The following SRRM2 variants were observed in gnomAD, a reference collection of about 807,000 sequenced individuals.
The protein encoded by SRRM2 is serine/arginine repetitive matrix 2.
A neutral mutation model predicts 213.8 loss-of-function variants in SRRM2; 30 were observed. The ratio of observed to expected loss-of-function variants is 0.14; its 90% CI spans 0.10 to 0.19. SRRM2 has a LOEUF of 0.19. Ranked by LOEUF, SRRM2 falls within the 10% of genes least tolerant of loss-of-function variation. The pLI, the probability that SRRM2 is intolerant of heterozygous loss-of-function variation, is 1.00. For missense variants in SRRM2, 4,904 were observed against 3,647.0 expected, an observed-to-expected ratio of 1.34 and a Z score of -8.88; for synonymous variants, 2,025 against 1,377.7, an observed-to-expected ratio of 1.47 and a Z score of -10.40.
chr16:2,761,958 C>A lies in SRRM2; in HGVS notation c.1430C>A (p.Pro477His), dbSNP rs777437321. 5 of 1,614,092 alleles carry A rather than the reference C, an allele frequency of 3.1e-6. No homozygotes were observed. The highest frequency in any genetic ancestry group is 4.2e-6 in the Non-Finnish European group (5 of 1,179,984). The change falls in exon 11 of 15, where the codon CCC (proline) becomes CAC (histidine). Residue 477 changes from proline (P) to histidine (H), a missense_variant. Physicochemically the swap from Pro to His is moderately conservative, Grantham distance 77 (BLOSUM62 -2). Coordinates refer to ENST00000301740, the MANE Select transcript of SRRM2 (RefSeq NM_016333.4). ...CGGGATAAATCACATTCTCATACCCCCTCCCGTAGGATGGGGAGGTCCCGT... is the reference window on the plus strand; with the variant it reads ...CGGGATAAATCACATTCTCATACCCACTCCCGTAGGATGGGGAGGTCCCGT... ...AKRDKSHSHT[P>H]SRRMGRSRSP...
chr16:2,761,057 C>G (rs1477524747), intron 10 of SRRM2, among the ~76,000 whole-genome samples: 1 of 152,172 alleles, frequency 6.6e-6, no homozygotes, highest in African/African-American at 2.4e-5. Context: ...TAACTACTTC[C>G]TTATTGCTTT....
Position 2,764,754 on chromosome 16 carries a change from C to G in SRRM2, c.4226C>G (p.Ala1409Gly), listed in dbSNP as rs141353583. 2.5e-6 allele frequency: 4 copies of G among 1,614,168 alleles called. No individual in the cohort carries two copies. The East Asian group carries it at 8.9e-5, about 36-fold the overall frequency. Residue 1409 changes from alanine to glycine, a missense_variant, in exon 11 of 15, where the codon GCT becomes GGT. By Grantham distance (60) the Ala-to-Gly change is moderately conservative. Coordinates refer to ENST00000301740, the MANE Select transcript of SRRM2 (RefSeq NM_016333.4). ...NQSISSPVLDAVPRTPSRERS... is the reference protein window; with the variant it reads ...NQSISSPVLDGVPRTPSRERS... ...AGCATCTCTTCACCTGTGCTTGATG[C>G]TGTACCCAGAACACCCTCGAGAGAA...
chr16:2,771,000 C>T lies in SRRM2; in HGVS notation c.*133C>T, dbSNP rs2068727276. 1.6e-5 allele frequency: 16 copies of T among 1,017,468 alleles called. No individual in the cohort carries two copies. Among genetic ancestry groups the T allele is most frequent in the Non-Finnish European group, 2.3e-5 (16 of 696,464 alleles). The allele number at this position is 1,017,468 out of a possible 1,614,324, so 63.0% of individuals were successfully genotyped here. On this transcript the variant is annotated 3_prime_UTR_variant, in exon 15 of 15. Coordinates refer to ENST00000301740, the MANE Select transcript of SRRM2 (RefSeq NM_016333.4). ...TTGGCAGCCCTTGGATGGAGGGCTC[C>T]CTTTCCCTCCCCTTTTTTTTTTCTT... is the stretch of plus-strand genomic sequence containing the variant.
In SRRM2 at chr16:2,771,382, T is replaced by A; in HGVS notation, c.*515T>A. 1 of 1,607,420 alleles carries A rather than the reference T, an allele frequency of 6.2e-7. No homozygotes were observed. Among genetic ancestry groups the A allele is most frequent in the Non-Finnish European group, 8.5e-7 (1 of 1,174,392 alleles). On this transcript the variant is annotated 3_prime_UTR_variant, in exon 15 of 15. Coordinates refer to ENST00000301740, the MANE Select transcript of SRRM2 (RefSeq NM_016333.4). ...AAATCTGTACAGCAAGAGCAACTTT[T>A]TCTGTCAAATAAAAATGAGAAATGC...
chr16:2,765,025 T>C lies in SRRM2; in HGVS notation c.4497T>C (p.Ser1499=). The part of the protein sequence containing the change: ...LPQTPRPRSR[S]PSSPELNNKC... Reference sequence around the variant, plus strand: ...AGACTCCTAGGCCGAGGAGTCGTTCTCCATCATCCCCAGAGCTCAACAACA... The same window carrying C: ...AGACTCCTAGGCCGAGGAGTCGTTCCCCATCATCCCCAGAGCTCAACAACA... Residue 1499 remains serine, a synonymous_variant, in exon 11 of 15, where the codon TCT becomes TCC. Transcript: ENST00000301740. The C allele has an allele frequency of 1.2e-6, 2 of 1,614,028 alleles. No individual in the cohort carries two copies. The highest frequency in any genetic ancestry group is 1.7e-6 in the Non-Finnish European group (2 of 1,180,024).
At chr16:2,761,320 T>G (rs2068338545) in intron 10 of SRRM2, among the ~76,000 whole-genome samples, 1 of 152,274 alleles carries the variant, frequency 6.6e-6, no homozygotes, top group Admixed American at 6.5e-5. Context: ...TTAAATGTAG[T>G]AGTGCATTAG....
Position 2,763,154 on chromosome 16 carries a change from T to A in SRRM2, c.2626T>A (p.Ser876Thr). Residue 876 changes from serine (S) to threonine (T), a missense_variant, in exon 11 of 15, where the codon TCA becomes ACA. Ser to Thr is a moderately conservative substitution (Grantham distance 58). Coordinates refer to ENST00000301740, the MANE Select transcript of SRRM2 (RefSeq NM_016333.4). ...ACAGAGACGGAGCTGTTTTGAATCA[T>A]CACCTGACCCTGAGTTGAAATCTAG... is the stretch of plus-strand genomic sequence containing the variant. ...TPQRRSCFESSPDPELKSRTP... is the reference protein window; with the variant it reads ...TPQRRSCFESTPDPELKSRTP... The A allele has an allele frequency of 6.2e-7, 1 of 1,614,132 alleles. No homozygotes were observed. The highest frequency in any genetic ancestry group is 2.2e-5 in the East Asian group (1 of 44,878).
intron 12 of SRRM2, 199 bp from the exon 13 acceptor site, chr16:2,770,153 C>G: frequency 1.4e-6 from 2 of 1,436,110 alleles, no homozygotes; most frequent in Non-Finnish European, 1.8e-6. Context: ...TTTGCATCCC[C>G]CGCTGCACCC....
At position 2,766,507 on chromosome 16, in the gene SRRM2, A is replaced by G. The variant is rs2068548852; in HGVS notation, c.5979A>G (p.Arg1993=). 2 of 1,613,594 alleles carry G rather than the reference A, an allele frequency of 1.2e-6. No individual in the cohort carries two copies. Residue 1993 remains arginine, a synonymous_variant, in exon 11 of 15, where the codon AGA becomes AGG. Transcript: ENST00000301740. This position sits in a 1 kb window ranked among gnomAD's most constrained non-coding sequence, Gnocchi z 7.0. ...GAACATCTCCGGTCACCCGAAGGAG[A>G]TCTCGATCTCGCACATCTCCAGTAA... The part of the protein sequence containing the change: ...RSRTSPVTRR[R]SRSRTSPVTR...
chr16:2,759,635 T>C lies in SRRM2; in HGVS notation c.807T>C (p.Ala269=). Residue 269 remains alanine (A), a synonymous_variant, in exon 9 of 15, where the codon GCT becomes GCC. Transcript: ENST00000301740. ...ACCGTTCAACTTCTGCTGACTCTGCTTCCTCCTCCGATACTTCCCGCAGTC... is the reference window on the plus strand; with the variant it reads ...ACCGTTCAACTTCTGCTGACTCTGCCTCCTCCTCCGATACTTCCCGCAGTC... ...RAHRSTSADS[A]SSSDTSRSRS... 2 of 1,614,012 alleles carry C rather than the reference T, an allele frequency of 1.2e-6. No homozygotes were observed. The highest frequency in any genetic ancestry group is 1.1e-5 in the South Asian group (1 of 91,074).
intron 2 of SRRM2, among the ~76,000 whole-genome samples, chr16:2,757,099 T>A (rs896653893): frequency 1.3e-5 from 2 of 152,126 alleles, no homozygotes; most frequent in East Asian, 3.9e-4. Context: ...GGCAGAAAAC[T>A]CTTTTAGAGC....
intron 9 of SRRM2, chr16:2,760,065 TG>T (rs1385325978): frequency 1.9e-5 from 11 of 576,970 alleles, no homozygotes; most frequent in Non-Finnish European, 1.2e-5. Flanking sequence ...TGGGGATGTT[TG>T]GGGGAGGTGA....
rs752817772 is a variant in SRRM2, at chr16:2,764,399, G to T, written c.3871G>T (p.Ala1291Ser). Residue 1291 changes from alanine to serine, a missense_variant, in exon 11 of 15, where the codon GCT (alanine) becomes TCT (serine). Physicochemically the swap from Ala to Ser is moderately conservative, Grantham distance 99. Transcript: ENST00000301740. The part of the protein sequence containing the change: ...SLTLDQSQSQ[A>S]SLEAVEVPSM... ...GACTCTTGATCAGAGCCAGTCACAG[G>T]CTTCTTTGGAAGCAGTAGAAGTCCC... 2 of 1,613,336 alleles carry T rather than the reference G, an allele frequency of 1.2e-6. No individual in the cohort carries two copies. Among genetic ancestry groups the T allele is most frequent in the South Asian group, 2.2e-5 (2 of 90,846 alleles).
rs775681241 is a variant in SRRM2, at chr16:2,763,114, G to A, written c.2586G>A (p.Glu862=). The A allele has an allele frequency of 2.5e-6, 4 of 1,614,022 alleles. No homozygotes were observed. The highest frequency in any genetic ancestry group is 1.7e-5 in the Admixed American group (1 of 60,002). Residue 862 remains glutamate, a synonymous_variant, in exon 11 of 15, where the codon GAG becomes GAA. Coordinates refer to ENST00000301740, the MANE Select transcript of SRRM2 (RefSeq NM_016333.4). ...QGSITSPQAN[E]QSVTPQRRSC... is the part of the protein sequence containing the mutation. ...CCATAACAAGTCCCCAGGCCAATGA[G>A]CAATCTGTAACGCCACAGAGACGGA...
chr16:2,767,155 C>A lies in SRRM2; in HGVS notation c.6627C>A (p.Ser2209=). 6.2e-7 allele frequency: 1 copy of A among 1,614,212 alleles called. No homozygotes were observed. Among genetic ancestry groups the A allele is most frequent in the Non-Finnish European group, 8.5e-7 (1 of 1,180,032 alleles). Residue 2209 remains serine (S), a synonymous_variant, in exon 11 of 15, where the codon TCC becomes TCA. Transcript: ENST00000301740. ...CTGCTGGCCTTGCTGCAAGAATGTC[C>A]CAGGTTCCAGCCCCGGTGCCTCTCA... ...MSAAGLAARM[S]QVPAPVPLMS... is the part of the protein sequence containing the mutation.
Position 2,767,355 on chromosome 16 carries a change from C to T in SRRM2, c.6827C>T (p.Ala2276Val), listed in dbSNP as rs779240145. 1.2e-5 allele frequency: 19 copies of T among 1,613,794 alleles called. No homozygotes were observed. The highest frequency in any genetic ancestry group is 1.3e-5 in the Non-Finnish European group (15 of 1,180,032). Residue 2276 changes from alanine (A) to valine (V), a missense_variant, in exon 11 of 15, where the codon GCG becomes GTG. Ala to Val is a moderately conservative substitution (Grantham distance 64). Transcript: ENST00000301740. ...AAMNLASPRT[A>V]VAPSAVNLAD... ...ATGAACTTGGCCAGCCCCAGAACAG[C>T]GGTGGCACCTTCGGCTGTGAACCTG...
At position 2,769,031 on chromosome 16, in the gene SRRM2, G is replaced by C; in HGVS notation, c.7768G>C (p.Val2590Leu). 6.2e-7 allele frequency: 1 copy of C among 1,614,090 alleles called. No individual in the cohort carries two copies. Among genetic ancestry groups the C allele is most frequent in the Non-Finnish European group, 8.5e-7 (1 of 1,180,014 alleles). ...CCCCACCCCAGCCCCAAAGGAGGCT[G>C]TTCGAGAGGGACGTCCTCCGGAGCC... ...PSPTPAPKEAVREGRPPEPTP... is the reference protein window; with the variant it reads ...PSPTPAPKEALREGRPPEPTP... Residue 2590 changes from valine (V) to leucine (L), a missense_variant, in exon 12 of 15, where the codon GTT (valine) becomes CTT (leucine). Coordinates refer to ENST00000301740, the MANE Select transcript of SRRM2 (RefSeq NM_016333.4).
rs771462309 is a variant in SRRM2 at position 2,765,064 on chromosome 16, C to T, written c.4536C>T (p.Pro1512=). 4 of 1,614,076 alleles carry T rather than the reference C, an allele frequency of 2.5e-6. No homozygotes were observed. The highest frequency in any genetic ancestry group is 4.5e-5 in the East Asian group (2 of 44,886). The change falls in exon 11 of 15, where the codon CCC becomes CCT. Residue 1512 remains proline, a synonymous_variant. Transcript: ENST00000301740. ...AGCTCAACAACAAGTGTCTTACCCC[C>T]CAGAGAGAAAGAAGCGGGTCAGAAT... The part of the protein sequence containing the change: ...SPELNNKCLT[P]QRERSGSESS...
Position 2,769,150 on chromosome 16 carries a change from CTCCTCTTCCTCT to C in SRRM2, c.7890_7901del (p.Ser2645_Ser2648del). ...CCTCCTCCTCCTCCTCTTCTTCCTC[CTCCTCTTCCTCT>C]TCTTCTTCTTCCTCCTCATCTTCCT... On this transcript the variant is annotated inframe_deletion, in exon 12 of 15. Coordinates refer to ENST00000301740, the MANE Select transcript of SRRM2 (RefSeq NM_016333.4). 1 of 1,611,682 alleles carries C rather than the reference CTCCTCTTCCTCT, an allele frequency of 6.2e-7. No individual in the cohort carries two copies. The highest frequency in any genetic ancestry group is 8.5e-7 in the Non-Finnish European group (1 of 1,178,000).
Sources: allele counts gnomAD v4.1 joint callset (sites outside exome capture counted in the v4.1 genomes callset), GRCh38; gene constraint gnomAD v4.1.1; non-coding constraint Gnocchi (gnomAD v3.1); transcripts MANE v1.5; gene names NCBI Gene and HGNC (gene_info 2026-07-23, HGNC 2026-07-21).